The following EWSR1 variants were observed in gnomAD, a reference collection of about 807,000 sequenced individuals.
The protein encoded by EWSR1 is RNA-binding protein EWS.
Under a neutral mutation model 92.1 loss-of-function variants are expected in EWSR1, and 14 were observed. The observed-to-expected ratio is 0.15, with a 90% CI of 0.10 to 0.24. EWSR1 has a LOEUF of 0.24. Among genes scored for constraint, EWSR1 ranks in the 10% least tolerant of loss-of-function variants. EWSR1 has a pLI of 1.00. For synonymous variants in EWSR1, 303 were observed against 292.9 expected, an observed-to-expected ratio of 1.03 and a Z score of -0.35; for missense variants, 637 against 870.9, an observed-to-expected ratio of 0.73 and a Z score of 3.38.
intron 8 of EWSR1, chr22:29,289,782 T>C (rs1273839464): frequency 4.3e-6 from 1 of 231,886 alleles, no homozygotes; most frequent in Non-Finnish European, 8.5e-6. Context: ...TACTCTTCAC[T>C]ACTGAAAGAC....
In EWSR1 at chr22:29,272,210, C is replaced by G; in HGVS notation, c.14-6C>G. Reference sequence around the variant, plus strand: ...TACACTATTTTTCCTCCTTGTTTTCCTCTAGATTACAGTACCTATAGCCAA... The same window carrying G: ...TACACTATTTTTCCTCCTTGTTTTCGTCTAGATTACAGTACCTATAGCCAA... On this transcript the variant is annotated splice_region_variant and splice_polypyrimidine_tract_variant and intron_variant, in intron 1 of 16. Coordinates refer to ENST00000397938, the MANE Select transcript of EWSR1 (RefSeq NM_005243.4). 2 of 1,613,562 alleles carry G rather than the reference C, an allele frequency of 1.2e-6. No individual in the cohort carries two copies. The highest frequency in any genetic ancestry group is 1.7e-6 in the Non-Finnish European group (2 of 1,179,632).
chr22:29,271,697 C>G (rs1416363608), intron 1 of EWSR1, among the ~76,000 whole-genome samples: 1 of 152,178 alleles, frequency 6.6e-6, no homozygotes, highest in Non-Finnish European at 1.5e-5. Context: ...TCTGCCATTC[C>G]GTTTCACTGT....
intron 5 of EWSR1, among the ~76,000 whole-genome samples, chr22:29,279,441 A>G (rs1281949523): frequency 6.6e-6 from 1 of 152,234 alleles, no homozygotes; most frequent in Non-Finnish European, 1.5e-5. Flanking sequence ...TAAATATTAT[A>G]GGCAAATAAA....
At chr22:29,269,539 A>G (rs1323735060) in intron 1 of EWSR1, 1 of 152,212 alleles carries the variant, frequency 6.6e-6, no homozygotes, top group Non-Finnish European at 1.5e-5. Flanking sequence ...CAGGCCTTAG[A>G]GACAGTGGGA....
At chr22:29,294,930 C>T (rs1445076945) in intron 11 of EWSR1, among the ~76,000 whole-genome samples, 1 of 150,654 alleles carries the variant, frequency 6.6e-6, no homozygotes, top group Non-Finnish European at 1.5e-5. Context: ...AAAGGAAATA[C>T]AGTTGATTTT....
intron 1 of EWSR1, among the ~76,000 whole-genome samples, chr22:29,271,164 C>T (rs2058649870): frequency 6.6e-6 from 1 of 152,072 alleles, no homozygotes; most frequent in Non-Finnish European, 1.5e-5. Context: ...AATAAAGGAC[C>T]CCTTTTTTCC....
chr22:29,272,135 C>A, intron 1 of EWSR1, 81 bp from the exon 2 acceptor site: 2 of 1,277,548 alleles, frequency 1.6e-6, no homozygotes, highest in Non-Finnish European at 2.3e-6. Flanking sequence ...TTCTTCCTGC[C>A]ACGTGAATTC....
At position 29,300,476 on chromosome 22, in the gene EWSR1, ATGTT is replaced by A; in HGVS notation, c.*317_*320del. 1 of 240,412 alleles carries A rather than the reference ATGTT, an allele frequency of 4.2e-6. No individual in the cohort carries two copies. Among genetic ancestry groups the A allele is most frequent in the Non-Finnish European group, 7.9e-6 (1 of 126,558 alleles). The allele number at this position is 240,412 out of a possible 1,614,324, so 14.9% of individuals were successfully genotyped here. On this transcript the variant is annotated 3_prime_UTR_variant, in exon 17 of 17. Transcript: ENST00000397938. ...AACTGTAACAATGTTCATGGTTGTG[ATGTT>A]TTTTTTTTTTTTTTAAATAAAATTC...
At chr22:29,284,156 TA>T (rs1307665923) in intron 6 of EWSR1, among the ~76,000 whole-genome samples, 2 of 150,274 alleles carry the variant, frequency 1.3e-5, no homozygotes, top group African/African-American at 2.5e-5. Context: ...TTTTAGTAGA[TA>T]CAGGGTTTCA....
intron 4 of EWSR1, chr22:29,274,236 C>T (rs187740120): frequency 1.9e-6 from 3 of 1,612,890 alleles, no homozygotes; most frequent in Admixed American, 3.3e-5. Context: ...ATAGTGTACC[C>T]TCTACTTTTT....
chr22:29,286,239 C>T (rs950477916), intron 6 of EWSR1, among the ~76,000 whole-genome samples: 1 of 152,102 alleles, frequency 6.6e-6, no homozygotes, highest in South Asian at 2.1e-4. Flanking sequence ...CAAACTCCAC[C>T]TCCCGGGTTC....
At chr22:29,289,316 T>G (rs1335711154) in intron 8 of EWSR1, 1 of 230,550 alleles carries the variant, frequency 4.3e-6, no homozygotes, top group Non-Finnish European at 8.6e-6. Context: ...TACATAGAGT[T>G]TGGATGGAGC....
intron 9 of EWSR1, 107 bp from the exon 10 acceptor site, chr22:29,292,030 A>G: frequency 1.0e-6 from 1 of 954,592 alleles, no homozygotes. Context: ...GAGTTTAATG[A>G]ATCCCCATCA....
intron 4 of EWSR1, chr22:29,274,337 C>G (rs994453235): frequency 6.3e-7 from 1 of 1,589,676 alleles, no homozygotes; most frequent in African/African-American, 1.3e-5. Flanking sequence ...TTGTCTAACC[C>G]TGTAATGTTA....
intron 3 of EWSR1, among the ~76,000 whole-genome samples, 192 bp from the exon 4 acceptor site, chr22:29,273,544 CATAAT>C: frequency 6.6e-6 from 1 of 152,222 alleles, no homozygotes; most frequent in Middle Eastern, 3.4e-3. Flanking sequence ...CTAACTTTAC[CATAAT>C]ATGAGTGAAC....
At chr22:29,294,621 TAC>T (rs955609086) in intron 11 of EWSR1, among the ~76,000 whole-genome samples, 8 of 118,776 alleles carry the variant, frequency 6.7e-5, no homozygotes, top group Admixed American at 2.8e-4. Flanking sequence ...AAAAAAAAAA[TAC>T]AGTTGATTTT....
chr22:29,280,718 G>T (rs1197093320), intron 5 of EWSR1, among the ~76,000 whole-genome samples: 2 of 150,738 alleles, frequency 1.3e-5, no homozygotes, highest in Non-Finnish European at 3.0e-5. Flanking sequence ...TTGTTGTCCA[G>T]GCTAGAGTGC....
At chr22:29,298,236 T>A (rs1333716867) in intron 13 of EWSR1, among the ~76,000 whole-genome samples, 7 of 152,184 alleles carry the variant, frequency 4.6e-5, no homozygotes, top group African/African-American at 1.4e-4. Context: ...CCAGGTGCAG[T>A]GGCTCACGCC....
intron 3 of EWSR1, among the ~76,000 whole-genome samples, chr22:29,273,076 C>A (rs2058813175): frequency 1.3e-5 from 2 of 152,218 alleles, no homozygotes; most frequent in South Asian, 4.1e-4. Context: ...GTCATTTAAA[C>A]AAACCTAGAG....
Sources: gnomAD v4.1 joint callset for allele counts (sites outside exome capture counted in the v4.1 genomes callset) on GRCh38, gnomAD v4.1.1 for gene constraint, MANE v1.5 for transcripts, NCBI Gene and HGNC (gene_info 2026-07-23, HGNC 2026-07-21) for gene names.